Variants in KLHL1 observed in about 807,000 individuals in gnomAD.
KLHL1 encodes the protein kelch-like protein 1.
In KLHL1, 47 loss-of-function variants were observed where a neutral mutation model predicts 77.7. That is an observed-to-expected ratio of 0.60 (90% CI 0.48 to 0.77). The LOEUF (loss-of-function observed/expected upper bound fraction) is 0.77, where lower values mean the gene tolerates loss of function less well. Ranked by LOEUF, KLHL1 falls within the 30% of genes least tolerant of loss-of-function variation. The pLI is 0.00. For synonymous variants in KLHL1, 360 were observed against 325.2 expected (o/e 1.11, Z -1.15); for missense variants, 925 against 910.8 (o/e 1.02, Z -0.20).
At chr13:69,965,987 A>G (rs1467502905) in intron 2 of KLHL1, among the ~76,000 whole-genome samples, 1 of 152,164 alleles carries the variant, frequency 6.6e-6, no homozygotes, top group East Asian at 1.9e-4. Context: ...CCATAACATA[A>G]AAGTGCAAAG....
At position 70,077,424 on chromosome 13, in the gene KLHL1, A is replaced by T. The variant is rs1353994222; in HGVS notation, c.497+29779T>A. The stretch of plus-strand genomic sequence containing the variant: ...TGGAAAAGGCCAAACTACAGAGATT[A>T]AAAAAAAATTAGTCGTTGAAGAGTT... On this transcript the variant is annotated intron_variant, in intron 1 of 10. Coordinates refer to ENST00000377844, the MANE Select transcript of KLHL1 (RefSeq NM_020866.3). Among the ~76,000 whole-genome samples, 4 of 151,412 alleles carry T rather than the reference A, an allele frequency of 2.6e-5. No individual in the cohort carries two copies. The South Asian group carries it at 6.2e-4, about 24-fold the overall frequency.
intron 4 of KLHL1, among the ~76,000 whole-genome samples, chr13:69,886,587 T>C (rs1881228829): frequency 6.6e-6 from 1 of 152,026 alleles, no homozygotes; most frequent in Non-Finnish European, 1.5e-5. Context: ...TATCAAACAA[T>C]ATAAGTAAAT....
At chr13:69,958,497 G>A (rs927615245) in intron 3 of KLHL1, among the ~76,000 whole-genome samples, 1 of 151,450 alleles carries the variant, frequency 6.6e-6, no homozygotes, top group Non-Finnish European at 1.5e-5. Context: ...TTCATTCTAA[G>A]CCTTCTTTAT....
At chr13:69,760,574 C>T (rs979403150) in intron 7 of KLHL1, among the ~76,000 whole-genome samples, 13 of 151,944 alleles carry the variant, frequency 8.6e-5, no homozygotes, top group African/African-American at 1.2e-4. Context: ...AGGCTGGTCT[C>T]GATCTCCTGA....
At chr13:69,905,839 C>T (rs550842106) in intron 4 of KLHL1, among the ~76,000 whole-genome samples, 1 of 152,134 alleles carries the variant, frequency 6.6e-6, no homozygotes, top group Admixed American at 6.5e-5. Flanking sequence ...GACATACTCT[C>T]CTTGTCTAAA....
At chr13:69,928,330 C>T (rs531048883) in intron 4 of KLHL1, among the ~76,000 whole-genome samples, 5 of 152,306 alleles carry the variant, frequency 3.3e-5, no homozygotes, top group South Asian at 2.1e-4. Context: ...CTTAAACATC[C>T]GATTCCCTAA....
At chr13:69,899,512 C>T (rs1881782378) in intron 4 of KLHL1, among the ~76,000 whole-genome samples, 1 of 152,062 alleles carries the variant, frequency 6.6e-6, no homozygotes, top group Admixed American at 6.6e-5. Context: ...GAACTCAGTC[C>T]CAGGTGAGAA....
At chr13:69,794,519 AAG>A (rs1206520056) in intron 7 of KLHL1, among the ~76,000 whole-genome samples, 3 of 152,024 alleles carry the variant, frequency 2.0e-5, no homozygotes, top group Non-Finnish European at 4.4e-5. Flanking sequence ...TAGAAAAAAA[AAG>A]AGGAGAAAAA....
intron 5 of KLHL1, among the ~76,000 whole-genome samples, chr13:69,845,600 G>T (rs1369342105): frequency 6.6e-6 from 1 of 151,322 alleles, no homozygotes; most frequent in Non-Finnish European, 1.5e-5. Context: ...CATGTGTATT[G>T]TTTCTATATA....
chr13:69,823,814 T>C (rs948622757), intron 6 of KLHL1, among the ~76,000 whole-genome samples: 1 of 151,996 alleles, frequency 6.6e-6, no homozygotes, highest in Non-Finnish European at 1.5e-5. Flanking sequence ...ATCATTGAAA[T>C]TTTTTCTCTC....
intron 9 of KLHL1, among the ~76,000 whole-genome samples, chr13:69,714,525 C>T (rs1438891329): frequency 6.6e-6 from 1 of 152,016 alleles, no homozygotes; most frequent in Admixed American, 6.6e-5. Context: ...ACTTCCTCTA[C>T]TAATATGACA....
intron 1 of KLHL1, among the ~76,000 whole-genome samples, chr13:70,099,833 T>C (rs1422516793): frequency 6.6e-6 from 1 of 152,016 alleles, no homozygotes; most frequent in Non-Finnish European, 1.5e-5. Context: ...GTTAAATTTT[T>C]TATATGGCAG....
chr13:70,052,746 C>A (rs1266777306), intron 1 of KLHL1, among the ~76,000 whole-genome samples: 1 of 151,838 alleles, frequency 6.6e-6, no homozygotes, highest in Admixed American at 6.6e-5. Flanking sequence ...CTCTCACATG[C>A]ACATACATAG....
At chr13:69,864,139 G>A (rs993518448) in intron 5 of KLHL1, among the ~76,000 whole-genome samples, 3 of 151,634 alleles carry the variant, frequency 2.0e-5, no homozygotes, top group East Asian at 3.9e-4. Context: ...CTCTTACTCC[G>A]GGGACTTTTA....
chr13:69,902,973 A>G (rs2138229848), intron 4 of KLHL1, among the ~76,000 whole-genome samples: 1 of 152,330 alleles, frequency 6.6e-6, no homozygotes, highest in South Asian at 2.1e-4. Flanking sequence ...AAAAGTATGT[A>G]TGATTGCTTG....
rs1481418061 is a variant in KLHL1 at position 69,819,288 on chromosome 13, A to ATTTAT, written c.1414+19687_1414+19688insATAAA. ...CAAATATCAGGGGTTTAATCCTTAA[A>ATTTAT]GTTATGTAATTTACTAATTTAAATT... On this transcript the variant is annotated intron_variant, in intron 6 of 10. Transcript: ENST00000377844. Among the ~76,000 whole-genome samples, 14 of 152,326 alleles carry ATTTAT rather than the reference A, an allele frequency of 9.2e-5. No homozygotes were observed. The South Asian group carries it at 2.9e-3, about 32-fold the overall frequency.
chr13:69,887,528 G>A (rs912344725), intron 4 of KLHL1, among the ~76,000 whole-genome samples: 1 of 152,090 alleles, frequency 6.6e-6, no homozygotes, highest in Non-Finnish European at 1.5e-5. Flanking sequence ...CGAAAGCAAC[G>A]TGGCTCCTTC....
intron 1 of KLHL1, among the ~76,000 whole-genome samples, chr13:70,098,905 T>C (rs2137451820): frequency 6.6e-6 from 1 of 151,992 alleles, no homozygotes; most frequent in African/African-American, 2.4e-5. Context: ...TTTCCATTTT[T>C]TAGGACACCT....
chr13:69,923,221 T>G (rs902430776), intron 4 of KLHL1, among the ~76,000 whole-genome samples: 1 of 152,174 alleles, frequency 6.6e-6, no homozygotes, highest in African/African-American at 2.4e-5. Context: ...CAAATAGATA[T>G]AGTTCATTAA....
Sources: gnomAD v4.1 joint callset for allele counts (sites outside exome capture counted in the v4.1 genomes callset) on GRCh38, gnomAD v4.1.1 for gene constraint, MANE v1.5 for transcripts, NCBI Gene and HGNC (gene_info 2026-07-23, HGNC 2026-07-21) for gene names.